The following RAP1GAP2 variants were observed in gnomAD, a reference collection of about 807,000 sequenced individuals.
RAP1GAP2 encodes RAP1 GTPase activating protein 2.
RAP1GAP2 carries 27 observed loss-of-function variants against 95.0 expected under a neutral mutation model. The observed-to-expected ratio is 0.28, with a 90% CI of 0.21 to 0.39. RAP1GAP2 has a LOEUF of 0.39. Ranked by LOEUF, RAP1GAP2 falls within the 10% of genes least tolerant of loss-of-function variation. The pLI is 1.00. For synonymous variants in RAP1GAP2, 373 were observed against 380.9 expected, an observed-to-expected ratio of 0.98 and a Z score of 0.24; for missense variants, 771 against 970.0, an observed-to-expected ratio of 0.79 and a Z score of 2.72.
intron 2 of RAP1GAP2, among the ~76,000 whole-genome samples, chr17:2,817,945 TC>T (rs1401428206): frequency 1.3e-5 from 2 of 150,470 alleles, no homozygotes; most frequent in Admixed American, 1.3e-4. Flanking sequence ...CATGCCATTC[TC>T]CTGCCTCAGC....
chr17:2,896,331 C>T (rs1290693397), intron 2 of RAP1GAP2, among the ~76,000 whole-genome samples: 2 of 152,168 alleles, frequency 1.3e-5, no homozygotes, highest in African/African-American at 4.8e-5. Flanking sequence ...TCAAAACACA[C>T]AAGAAGACGT....
intron 3 of RAP1GAP2, among the ~76,000 whole-genome samples, chr17:2,933,501 A>G (rs982649255): frequency 2.6e-5 from 4 of 152,234 alleles, no homozygotes; most frequent in Non-Finnish European, 5.9e-5. Flanking sequence ...CGGGAGGCCA[A>G]CACCTCCCTT....
chr17:2,925,390 C>T (rs1398835570), intron 3 of RAP1GAP2, among the ~76,000 whole-genome samples: 1 of 152,120 alleles, frequency 6.6e-6, no homozygotes, highest in Non-Finnish European at 1.5e-5. Context: ...AACTTACAAT[C>T]ATGAAGGAGA....
intron 20 of RAP1GAP2, 53 bp downstream of exon 20, chr17:3,026,174 C>T: frequency 5.5e-6 from 8 of 1,441,912 alleles, no homozygotes; most frequent in Non-Finnish European, 7.7e-6. Flanking sequence ...AGCCCTGGAA[C>T]ACGCCCTCTG....
chr17:2,963,107 G>A lies in RAP1GAP2; in HGVS notation c.247-323G>A, dbSNP rs970371325. On this transcript the variant is annotated intron_variant, in intron 5 of 24. Coordinates refer to ENST00000254695, the MANE Select transcript of RAP1GAP2 (RefSeq NM_015085.5). This position sits in a 1 kb window ranked among gnomAD's most constrained non-coding sequence, Gnocchi z 4.8. ...CACTTGGAGGTCAGTCCGCCTGCCT[G>A]GAAAGGGGTGCTGGGGGAGACTAGG... 9 of 542,426 alleles carry A rather than the reference G, an allele frequency of 1.7e-5. No individual in the cohort carries two copies. Among genetic ancestry groups the A allele is most frequent in the Non-Finnish European group, 2.6e-5 (8 of 304,742 alleles). The allele number at this position is 542,426 out of a possible 1,614,324, so 33.6% of individuals were successfully genotyped here.
chr17:2,775,283 G>T (rs572554365), upstream of RAP1GAP2, among the ~76,000 whole-genome samples: 8 of 152,100 alleles, frequency 5.3e-5, no homozygotes, highest in African/African-American at 1.7e-4. Flanking sequence ...ACATGTAAAC[G>T]CAGAGACAAG....
chr17:2,783,396 T>A (rs1367677491), intron 1 of RAP1GAP2, among the ~76,000 whole-genome samples: 1 of 152,194 alleles, frequency 6.6e-6, no homozygotes, highest in Admixed American at 6.5e-5. Context: ...TCTTGCTTAC[T>A]AAAATATTCT....
At chr17:2,830,221 G>C (rs1277238235) in intron 2 of RAP1GAP2, among the ~76,000 whole-genome samples, 1 of 151,744 alleles carries the variant, frequency 6.6e-6, no homozygotes. Flanking sequence ...AGACCAGCCT[G>C]GCCAACATGG....
intron 2 of RAP1GAP2, among the ~76,000 whole-genome samples, chr17:2,811,097 A>G (rs1028090332): frequency 2.0e-5 from 3 of 152,214 alleles, no homozygotes; most frequent in African/African-American, 4.8e-5. Context: ...AGAGCCCTGC[A>G]GACACTGGAA....
chr17:2,954,244 A>G (rs2036843959), intron 3 of RAP1GAP2, among the ~76,000 whole-genome samples: 2 of 151,878 alleles, frequency 1.3e-5, no homozygotes, highest in African/African-American at 4.8e-5. Flanking sequence ...AGCTGGGATT[A>G]CAGGCGCCCG....
chr17:2,806,376 T>A (rs1019082458), intron 2 of RAP1GAP2, among the ~76,000 whole-genome samples: 2 of 139,942 alleles, frequency 1.4e-5, no homozygotes, highest in Admixed American at 7.3e-5. Flanking sequence ...CTACAACCTT[T>A]TTATTATTAT....
In RAP1GAP2 at chr17:2,879,367, C is replaced by T. The variant is rs191627542; in HGVS notation, c.81-25917C>T. 8.2e-3 allele frequency among the ~76,000 whole-genome samples: 1,241 copies of T among 152,206 alleles called. 11 individuals carry two copies. Among genetic ancestry groups the T allele is most frequent in the Non-Finnish European group, 0.013 (901 of 68,012 alleles). ...CTGACCTCAAGTGATCCACCCGCCT[C>T]GGCCTCCCCAAGTGTTGGGATTACA... On this transcript the variant is annotated intron_variant, in intron 2 of 24. Coordinates refer to ENST00000254695, the MANE Select transcript of RAP1GAP2 (RefSeq NM_015085.5).
intron 3 of RAP1GAP2, among the ~76,000 whole-genome samples, chr17:2,911,190 A>C (rs1597586513): frequency 2.1e-5 from 3 of 144,604 alleles, no homozygotes; most frequent in African/African-American, 7.9e-5. Flanking sequence ...CCCCACCCTC[A>C]CTGGCGTGCC....
chr17:2,911,930 G>A (rs961158068), intron 3 of RAP1GAP2, among the ~76,000 whole-genome samples: 3 of 152,140 alleles, frequency 2.0e-5, no homozygotes, highest in Admixed American at 2.0e-4. Context: ...GAGCTGGCTC[G>A]GTCAGCTGGG....
chr17:2,876,899 T>C (rs1466721643), intron 2 of RAP1GAP2, among the ~76,000 whole-genome samples: 1 of 150,720 alleles, frequency 6.6e-6, no homozygotes, highest in Non-Finnish European at 1.5e-5. Context: ...TTTTTTTTTT[T>C]TTTTTCTTGA....
intron 2 of RAP1GAP2, among the ~76,000 whole-genome samples, chr17:2,837,469 C>T (rs571778021): frequency 2.0e-5 from 3 of 151,972 alleles, no homozygotes; most frequent in South Asian, 2.1e-4. Context: ...AGGCATATTC[C>T]GCTTCGTCTG....
At chr17:2,895,104 G>A (rs2073846703) in intron 2 of RAP1GAP2, among the ~76,000 whole-genome samples, 1 of 152,230 alleles carries the variant, frequency 6.6e-6, no homozygotes, top group East Asian at 1.9e-4. Context: ...AGCGGCTCAG[G>A]TGTTACAACT....
intron 1 of RAP1GAP2, among the ~76,000 whole-genome samples, chr17:2,768,877 C>T (rs112417000): frequency 1.7e-3 from 265 of 151,572 alleles, no homozygotes; most frequent in African/African-American, 6.2e-3. Context: ...AAGACCTAAT[C>T]TTGACTGCTG....
At chr17:3,020,199 T>A (rs4239036) in intron 18 of RAP1GAP2, among the ~76,000 whole-genome samples, 139,696 of 152,240 alleles carry the variant, frequency 0.92, 64,235 homozygotes, top group Non-Finnish European at 0.95. Flanking sequence ...CCTTCTCAAT[T>A]TGGTGGGCCT....
Sources: gnomAD v4.1 joint callset for allele counts (sites outside exome capture counted in the v4.1 genomes callset) on GRCh38, gnomAD v4.1.1 for gene constraint, Gnocchi (gnomAD v3.1) non-coding constraint, MANE v1.5 for transcripts, NCBI Gene and HGNC (gene_info 2026-07-23, HGNC 2026-07-21) for gene names.